The following HDX variants were observed in gnomAD, a reference collection of about 807,000 sequenced individuals.
HDX encodes chromosome X open reading frame 43.
HDX carries 19 observed loss-of-function variants against 45.2 expected under a neutral mutation model. That is an observed-to-expected ratio of 0.42 (90% CI 0.29 to 0.62). The LOEUF (loss-of-function observed/expected upper bound fraction) is 0.62, where lower values mean the gene tolerates loss of function less well. HDX is among the 20% of genes least tolerant of loss of function. The probability of loss-of-function intolerance (pLI) is 0.20; values close to 1 mark genes in which losing one functional copy is unlikely to be tolerated. For synonymous variants in HDX, 188 were observed against 172.8 expected (o/e 1.09, Z -0.69); for missense variants, 532 against 493.9 (o/e 1.08, Z -0.73).
intron 7 of HDX, among the ~76,000 whole-genome samples, chrX:84,343,136 A>G (rs1412292918): frequency 1.8e-5 from 2 of 111,071 alleles, no homozygotes; most frequent in African/African-American, 6.5e-5. Context: ...AGTGACTGCA[A>G]ATGGGCTCAA....
At chrX:84,349,403 ATGTGTGTGTG>A (rs58864600) in intron 6 of HDX, among the ~76,000 whole-genome samples, 834 of 68,484 alleles carry the variant, frequency 0.012, 12 homozygotes, top group African/African-American at 0.045. Context: ...ATATATATAT[ATGTGTGTGTG>A]TGTGTGTGTG....
intron 4 of HDX, among the ~76,000 whole-genome samples, chrX:84,444,776 TG>T (rs1459855823): frequency 9.0e-6 from 1 of 111,670 alleles, no homozygotes; most frequent in Admixed American, 9.5e-5. Flanking sequence ...ATAACACACT[TG>T]CCAGTCTCAT....
intron 1 of HDX, among the ~76,000 whole-genome samples, chrX:84,494,178 T>C (rs1219825047): frequency 1.8e-5 from 2 of 112,021 alleles, no homozygotes; most frequent in Non-Finnish European, 3.8e-5. Flanking sequence ...GACAGTGATA[T>C]ATGGCACTAA....
chrX:84,426,094 C>G (rs2039378447), intron 5 of HDX, among the ~76,000 whole-genome samples: 1 of 110,536 alleles, frequency 9.0e-6, no homozygotes, highest in East Asian at 2.8e-4. Context: ...TATACACCTA[C>G]TATGCACCAA....
chrX:84,382,001 G>GA (rs371415569), intron 5 of HDX, among the ~76,000 whole-genome samples: 529 of 111,336 alleles, frequency 4.8e-3, no homozygotes, highest in Admixed American at 7.3e-3. Flanking sequence ...CAACTTTATA[G>GA]AAAAAAATCT....
At chrX:84,360,443 A>G (rs1245714677) in intron 6 of HDX, among the ~76,000 whole-genome samples, 1 of 111,978 alleles carries the variant, frequency 8.9e-6, no homozygotes, top group Non-Finnish European at 1.9e-5. Flanking sequence ...CACACAATTC[A>G]TTTATTTAAT....
chrX:84,445,679 G>A (rs1012075536), intron 4 of HDX, among the ~76,000 whole-genome samples: 6 of 111,088 alleles, frequency 5.4e-5, no homozygotes, highest in African/African-American at 1.6e-4. Context: ...AAAAAAAGAT[G>A]TCTTGGTGTA....
chrX:84,428,197 C>T (rs1307254845), intron 5 of HDX, among the ~76,000 whole-genome samples: 3 of 109,740 alleles, frequency 2.7e-5, no homozygotes, highest in African/African-American at 9.9e-5. Flanking sequence ...TCAGATAGAT[C>T]TTCTATGTTC....
chrX:84,335,796 G>T (rs866995986), intron 8 of HDX, among the ~76,000 whole-genome samples: 2 of 110,842 alleles, frequency 1.8e-5, no homozygotes, highest in Admixed American at 9.7e-5. Context: ...CTTCAACCAG[G>T]ACTCAAATCA....
chrX:84,418,278 C>T (rs1310050426), intron 5 of HDX, among the ~76,000 whole-genome samples: 1 of 111,951 alleles, frequency 8.9e-6, no homozygotes, highest in Non-Finnish European at 1.9e-5. Context: ...CTATGAATTG[C>T]TTAACAACAA....
At chrX:84,360,984 T>C (rs1226175217) in intron 6 of HDX, among the ~76,000 whole-genome samples, 6 of 111,790 alleles carry the variant, frequency 5.4e-5, no homozygotes. Context: ...GTTAAACTTT[T>C]TGAGGACTGT....
Position 84,342,833 on chromosome X carries a change from C to T in HDX, c.1660+1417G>A, listed in dbSNP as rs189798309. On this transcript the variant is annotated intron_variant, in intron 7 of 10. Transcript: ENST00000373177. Reference sequence around the variant, plus strand: ...AGGTCAGAAACCATAAAGGAAAGTACGGGTAGATTTGAAAACTTAAAAATT... The same window carrying T: ...AGGTCAGAAACCATAAAGGAAAGTATGGGTAGATTTGAAAACTTAAAAATT... 2.8e-3 allele frequency among the ~76,000 whole-genome samples: 306 copies of T among 110,780 alleles called. 2 individuals carry two copies. Among genetic ancestry groups the T allele is most frequent in the African/African-American group, 9.6e-3 (292 of 30,491 alleles).
chrX:84,375,679 A>G (rs908066384), intron 5 of HDX, among the ~76,000 whole-genome samples: 2 of 105,148 alleles, frequency 1.9e-5, no homozygotes, highest in African/African-American at 6.9e-5. Context: ...TCACTCATAG[A>G]TGGGAATTGA....
At chrX:84,432,752 A>G (rs1015846343) in intron 5 of HDX, among the ~76,000 whole-genome samples, 6 of 111,308 alleles carry the variant, frequency 5.4e-5, no homozygotes, top group Non-Finnish European at 1.1e-4. Context: ...TTAGGTATAG[A>G]ACCATATCAT....
intron 7 of HDX, among the ~76,000 whole-genome samples, chrX:84,343,259 G>T (rs374976365): frequency 9.1e-6 from 1 of 110,275 alleles, no homozygotes; most frequent in South Asian, 3.9e-4. Context: ...TAAAATGAAT[G>T]ATTTTATTTT....
chrX:84,334,590 C>T (rs1243689509), intron 8 of HDX, among the ~76,000 whole-genome samples: 1 of 99,524 alleles, frequency 1.0e-5, no homozygotes, highest in Admixed American at 1.2e-4. Flanking sequence ...AACAGTTCAG[C>T]GTTGATGAAA....
chrX:84,333,790 A>G lies in HDX; in HGVS notation c.1793T>C (p.Val598Ala). 1 of 967,128 alleles carries G rather than the reference A, an allele frequency of 1.0e-6. No homozygotes were observed. Among genetic ancestry groups the G allele is most frequent in the Non-Finnish European group, 1.5e-6 (1 of 684,069 alleles). The allele number at this position is 967,128 out of a possible 1,213,427, so 79.7% of individuals were successfully genotyped here. Reference sequence around the variant, plus strand: ...ATCCAAGAAAGAGTTTACTTGTTCTACTTCAGAATTACTTATCATGTCACT... The same window carrying G: ...ATCCAAGAAAGAGTTTACTTGTTCTGCTTCAGAATTACTTATCATGTCACT... ...EESDMISNSE[V>A]EQVNSFLDYK... The change falls in exon 9 of 11, where the codon GTA becomes GCA. Residue 598 changes from valine (V) to alanine (A), a missense_variant. Around this residue, in one of 3 missense-constraint regions of HDX, gnomAD observed 151 missense variants for 131.8 expected, o/e 1.15. Transcript: ENST00000373177.
intron 3 of HDX, among the ~76,000 whole-genome samples, chrX:84,470,778 A>G (rs914807271): frequency 5.4e-5 from 6 of 111,668 alleles, no homozygotes; most frequent in Non-Finnish European, 1.1e-4. Context: ...AATAAGAAAT[A>G]TATTCTATAA....
intron 4 of HDX, among the ~76,000 whole-genome samples, chrX:84,462,191 A>T (rs1452458930): frequency 8.9e-6 from 1 of 112,336 alleles, no homozygotes. Context: ...AAAGGAAAAC[A>T]GTAAATTGAA....
Sources: allele counts gnomAD v4.1 joint callset (sites outside exome capture counted in the v4.1 genomes callset), GRCh38; gene constraint gnomAD v4.1.1; regional missense constraint gnomAD v4.1.1; transcripts MANE v1.5; gene names NCBI Gene and HGNC (gene_info 2026-07-23, HGNC 2026-07-21).